NREP: variants seen among roughly 807,000 people sequenced by gnomAD.
NREP encodes the protein neuronal regeneration related protein.
Under a neutral mutation model 8.6 loss-of-function variants are expected in NREP, and 5 were observed. The observed-to-expected ratio is 0.58, with a 90% CI of 0.30 to 1.22. The LOEUF is 1.22. Ranked by LOEUF, NREP falls within the 50% of genes most tolerant of loss-of-function variation. The pLI, the probability that NREP is intolerant of heterozygous loss-of-function variation, is 0.07. For synonymous variants in NREP, 27 were observed against 28.0 expected (o/e 0.96, Z 0.11); for missense variants, 86 against 82.5 (o/e 1.04, Z -0.17).
chr5:111,886,230 A>G (rs1220800266), intron 2 of NREP, among the ~76,000 whole-genome samples: 1 of 152,262 alleles, frequency 6.6e-6, no homozygotes, highest in African/African-American at 2.4e-5. Context: ...AATGCTCACC[A>G]TCACTGGCCA....
chr5:111,975,090 A>T (rs1426410465), intron 2 of NREP, among the ~76,000 whole-genome samples: 1 of 152,262 alleles, frequency 6.6e-6, no homozygotes, highest in African/African-American at 2.4e-5. Flanking sequence ...GCAGAGATGC[A>T]GAGGAAGGCA....
rs546098805 is a variant in NREP, at chr5:111,737,364, G to GTGAT, written c.4-1861_4-1858dup. Among the ~76,000 whole-genome samples the GTGAT allele has an allele frequency of 4.5e-3, 688 of 152,280 alleles. 4 individuals carry two copies. The highest frequency in any genetic ancestry group is 7.9e-3 in the Non-Finnish European group (536 of 68,038). On this transcript the variant is annotated intron_variant, in intron 2 of 3. Coordinates refer to ENST00000257435, the MANE Select transcript of NREP (RefSeq NM_004772.4). The stretch of plus-strand genomic sequence containing the variant: ...TTCACTTCATATAAATGGATATAAA[G>GTGAT]TGATTACATTTCTATATTACCACTT...
chr5:111,776,233 T>C (rs1751354771), intron 2 of NREP, among the ~76,000 whole-genome samples: 1 of 152,158 alleles, frequency 6.6e-6, no homozygotes, highest in African/African-American at 2.4e-5. Flanking sequence ...TGCAAGATAA[T>C]TTATGTCAAG....
At position 111,833,021 on chromosome 5, in the gene NREP, C is replaced by T. The variant is rs144614941; in HGVS notation, c.136-97514G>A. On this transcript the variant is annotated intron_variant, in intron 2 of 3. Transcript: ENST00000395634. The stretch of plus-strand genomic sequence containing the variant: ...CCCGCCAGGCAGGCTCCAATGATTA[C>T]AAATAAGAATTACTTCCCCAGGACT... 1.8e-3 allele frequency among the ~76,000 whole-genome samples: 269 copies of T among 152,292 alleles called. 1 individual carries two copies. The highest frequency in any genetic ancestry group is 0.014 in the Middle Eastern group (4 of 294).
At chr5:111,774,041 C>T (rs140342779) in intron 2 of NREP, among the ~76,000 whole-genome samples, 18 of 152,266 alleles carry the variant, frequency 1.2e-4, no homozygotes, top group African/African-American at 4.1e-4. Flanking sequence ...TTGACAAATT[C>T]CCCATTCAAT....
At chr5:111,767,454 G>T (rs1751111737) in intron 2 of NREP, among the ~76,000 whole-genome samples, 1 of 152,092 alleles carries the variant, frequency 6.6e-6, no homozygotes, top group African/African-American at 2.4e-5. Flanking sequence ...TCTACCTGAA[G>T]GACCCACAAG....
At chr5:111,732,219 CT>C (rs1199840158) in intron 3 of NREP, 1 of 151,996 alleles carries the variant, frequency 6.6e-6, no homozygotes. Flanking sequence ...ATCTGAATTT[CT>C]TTTTAAGAAT....
intron 2 of NREP, among the ~76,000 whole-genome samples, chr5:111,935,743 T>C (rs1421851006): frequency 1.3e-5 from 2 of 152,108 alleles, no homozygotes; most frequent in Non-Finnish European, 2.9e-5. Context: ...ATGCACATCT[T>C]AGAATAGAGG....
At chr5:111,935,150 T>G (rs1222643339) in intron 2 of NREP, among the ~76,000 whole-genome samples, 14 of 152,152 alleles carry the variant, frequency 9.2e-5, no homozygotes, top group Admixed American at 9.2e-4. Flanking sequence ...CTGTCTCCTT[T>G]GATACATTGC....
intron 2 of NREP, among the ~76,000 whole-genome samples, chr5:111,924,540 A>G (rs1400890345): frequency 6.6e-6 from 1 of 151,794 alleles, no homozygotes; most frequent in East Asian, 1.9e-4. Context: ...AAGTATAGGG[A>G]TTAGGGACTA....
chr5:111,972,301 T>C (rs1756842673), intron 2 of NREP, among the ~76,000 whole-genome samples: 1 of 152,214 alleles, frequency 6.6e-6, no homozygotes, highest in Non-Finnish European at 1.5e-5. Flanking sequence ...ATGTGGTTGG[T>C]ACAGTCATTA....
At chr5:111,873,814 G>T (rs1351017213) in intron 2 of NREP, among the ~76,000 whole-genome samples, 6 of 152,136 alleles carry the variant, frequency 3.9e-5, no homozygotes, top group African/African-American at 1.2e-4. Flanking sequence ...TATCTTTGGT[G>T]GGGGGCATTA....
intron 2 of NREP, among the ~76,000 whole-genome samples, chr5:111,786,965 T>C (rs534023174): frequency 6.1e-4 from 93 of 152,346 alleles, no homozygotes; most frequent in African/African-American, 2.2e-3. Flanking sequence ...GCTACATGTA[T>C]GCTACCCTTC....
intron 2 of NREP, chr5:111,738,228 G>A (rs903370616): frequency 6.6e-6 from 1 of 152,146 alleles, no homozygotes; most frequent in Non-Finnish European, 1.5e-5. Context: ...GCAGTATTTT[G>A]AGACTCTAAA....
chr5:111,915,102 T>G (rs761210857), intron 2 of NREP, among the ~76,000 whole-genome samples: 11 of 152,140 alleles, frequency 7.2e-5, no homozygotes, highest in Non-Finnish European at 1.0e-4. Context: ...TCCTGTGGCC[T>G]CATCAGGGAC....
chr5:111,963,687 A>G (rs1019897973), intron 2 of NREP, among the ~76,000 whole-genome samples: 1 of 152,222 alleles, frequency 6.6e-6, no homozygotes. Flanking sequence ...AAAAGGAAGA[A>G]AAGACAGAAT....
intron 2 of NREP, among the ~76,000 whole-genome samples, chr5:111,911,018 G>C (rs574207870): frequency 1.3e-4 from 20 of 151,992 alleles, no homozygotes; most frequent in Non-Finnish European, 2.5e-4. Flanking sequence ...ACCACTGTCA[G>C]TTCTGACTAA....
At chr5:111,928,509 C>G (rs896387896) in intron 2 of NREP, among the ~76,000 whole-genome samples, 3 of 152,044 alleles carry the variant, frequency 2.0e-5, no homozygotes, top group Non-Finnish European at 4.4e-5. Context: ...CTTCTGAATT[C>G]CAGTTTTAGA....
chr5:111,870,569 A>G (rs1178085428), intron 2 of NREP, among the ~76,000 whole-genome samples: 1 of 152,226 alleles, frequency 6.6e-6, no homozygotes, highest in Non-Finnish European at 1.5e-5. Context: ...TGGTTAAAAT[A>G]TTACATAAAT....
Sources: gnomAD v4.1 joint callset for allele counts (sites outside exome capture counted in the v4.1 genomes callset) on GRCh38, gnomAD v4.1.1 for gene constraint, MANE v1.5 for transcripts, NCBI Gene and HGNC (gene_info 2026-07-23, HGNC 2026-07-21) for gene names.